The following MTO1 variants were observed in gnomAD, a reference collection of about 807,000 sequenced individuals.
MTO1 encodes 5-taurinomethyluridine-[tRNA] synthase subunit MTO1, mitochondrial.
In MTO1, 46 loss-of-function variants were observed where a neutral mutation model predicts 71.6. That is an observed-to-expected ratio of 0.64 (90% confidence interval 0.51 to 0.82). MTO1 has a LOEUF of 0.82. Ranked by LOEUF, MTO1 falls within the 40% of genes least tolerant of loss-of-function variation. MTO1 has a pLI of 0.00. For synonymous variants in MTO1, 297 were observed against 312.1 expected, an observed-to-expected ratio of 0.95 and a Z score of 0.51; for missense variants, 773 against 867.5, an observed-to-expected ratio of 0.89 and a Z score of 1.37.
chr6:73,493,354 A>G lies in MTO1; in HGVS notation c.1756+1002A>G, dbSNP rs867815571. On this transcript the variant is annotated intron_variant, in intron 10 of 11. Transcript: ENST00000498286. The stretch of plus-strand genomic sequence containing the variant: ...TACCACTTATTTGAAATGTGCATGT[A>G]TGTGTGTGTGTGTGTGTGTGTGTGT... 2.5e-3 allele frequency among the ~76,000 whole-genome samples: 355 copies of G among 139,454 alleles called. 3 individuals are homozygous for G. The highest frequency in any genetic ancestry group is 4.6e-3 in the African/African-American group (175 of 38,130). 91.5% of individuals were successfully genotyped at this position (139,454 alleles called of 152,430 possible).
Position 73,507,727 on chromosome 6 carries a change from C to T in MTO1, c.*6992C>T, listed in dbSNP as rs1050876555. 1 of 152,256 alleles carries T rather than the reference C, an allele frequency of 6.6e-6. No homozygotes were observed. Among genetic ancestry groups the T allele is most frequent in the Admixed American group, 6.6e-5 (1 of 15,264 alleles). The allele number at this position is 152,256 out of a possible 1,614,324, so 9.4% of individuals were successfully genotyped here. A position where few individuals can be genotyped will look rare whatever the true frequency, so the allele number is the denominator to read the frequency against. The stretch of plus-strand genomic sequence containing the variant: ...GTGCGGTGGCTCACGCCTGTAATCC[C>T]AACACTTTGGGAGGCCAAGGCGGGC... On this transcript the variant is annotated 3_prime_UTR_variant, in exon 12 of 12. Coordinates refer to ENST00000498286, the MANE Select transcript of MTO1 (RefSeq NM_012123.4).
chr6:73,500,360 T>C (rs1772122570), intron 11 of MTO1, among the ~76,000 whole-genome samples: 1 of 152,232 alleles, frequency 6.6e-6, no homozygotes. Flanking sequence ...ATTTTAACAT[T>C]TCTGTGCCTC....
Position 73,462,084 on chromosome 6 carries a change from G to A in MTO1, c.217+13G>A, listed in dbSNP as rs762513602. Reference sequence around the variant, plus strand: ...GTGGACACGATCGGTGAGGAGCGCGGGTGCTGTGGAACTTGGCGTAGGACG... The same window carrying A: ...GTGGACACGATCGGTGAGGAGCGCGAGTGCTGTGGAACTTGGCGTAGGACG... On this transcript the variant is annotated intron_variant, in intron 1 of 11. Transcript: ENST00000498286. 1.9e-5 allele frequency: 30 copies of A among 1,610,752 alleles called. 1 individual carries two copies. The highest frequency in any genetic ancestry group is 1.1e-4 in the East Asian group (5 of 44,840).
rs949713812 is a variant in MTO1 at position 73,483,400 on chromosome 6, C to A, written c.1637+780C>A. 2.6e-5 allele frequency among the ~76,000 whole-genome samples: 4 copies of A among 151,748 alleles called. No individual in the cohort carries two copies. The East Asian group carries it at 5.9e-4, about 22-fold the overall frequency. On this transcript the variant is annotated intron_variant, in intron 9 of 11. Transcript: ENST00000498286. ...CTCCAGCCTGGGTGAGAGTGAGACC[C>A]TGTCTCAAAGAAAAGAAAAAATCAC...
chr6:73,470,309 C>A (rs549454220), intron 3 of MTO1, among the ~76,000 whole-genome samples: 8 of 151,970 alleles, frequency 5.3e-5, no homozygotes, highest in Non-Finnish European at 1.0e-4. Context: ...CAGGTTCAAG[C>A]GATTCTCCTG....
intron 7 of MTO1, among the ~76,000 whole-genome samples, chr6:73,481,518 G>A (rs1771491877): frequency 6.6e-6 from 1 of 152,076 alleles, no homozygotes; most frequent in Admixed American, 6.6e-5. Context: ...TGTAATCCCA[G>A]CACTCTGGGA....
chr6:73,462,161 T>G, intron 1 of MTO1, 90 bp downstream of exon 1: 2 of 1,375,108 alleles, frequency 1.5e-6, no homozygotes, highest in Non-Finnish European at 2.0e-6. Flanking sequence ...ACCTCTTCCT[T>G]TCCTCAAAGC....
intron 7 of MTO1, chr6:73,481,048 C>T (rs1282739886): frequency 2.2e-6 from 1 of 451,354 alleles, no homozygotes; most frequent in South Asian, 1.9e-5. Flanking sequence ...GATCTCCCAG[C>T]TTCAAGCGAT....
At chr6:73,485,460 A>G (rs934329002) in intron 9 of MTO1, among the ~76,000 whole-genome samples, 1 of 146,002 alleles carries the variant, frequency 6.8e-6, no homozygotes, top group African/African-American at 2.6e-5. Context: ...TTTTTTTGAG[A>G]CGGAGTCTCA....
At chr6:73,483,061 G>A (rs946195466) in intron 9 of MTO1, among the ~76,000 whole-genome samples, 5 of 151,852 alleles carry the variant, frequency 3.3e-5, no homozygotes, top group Non-Finnish European at 4.4e-5. Flanking sequence ...CAAAGTGCTG[G>A]GATTACAGGC....
chr6:73,498,920 G>T (rs1772075813), intron 11 of MTO1, among the ~76,000 whole-genome samples: 1 of 151,840 alleles, frequency 6.6e-6, no homozygotes, highest in Non-Finnish European at 1.5e-5. Context: ...GCAGAGACGG[G>T]GTTTCACCAT....
intron 3 of MTO1, among the ~76,000 whole-genome samples, chr6:73,470,457 C>T (rs553103022): frequency 6.6e-6 from 1 of 152,098 alleles, no homozygotes; most frequent in Non-Finnish European, 1.5e-5. Flanking sequence ...CCGCCCACCT[C>T]GGCCTCCCAA....
Position 73,479,721 on chromosome 6 carries a change from C to T in MTO1, c.826-11C>T. 1 of 1,592,906 alleles carries T rather than the reference C, an allele frequency of 6.3e-7. No homozygotes were observed. The highest frequency in any genetic ancestry group is 8.6e-7 in the Non-Finnish European group (1 of 1,163,784). On this transcript the variant is annotated splice_polypyrimidine_tract_variant and intron_variant, in intron 4 of 11. Transcript: ENST00000498286. Reference sequence around the variant, plus strand: ...AGCAAATCAGTATTGCATCTGGTTACTGTTTTTTAGCCAGAAGATCAGCTG... The same window carrying T: ...AGCAAATCAGTATTGCATCTGGTTATTGTTTTTTAGCCAGAAGATCAGCTG...
chr6:73,507,783 CTGGCT>C lies in MTO1; in HGVS notation c.*7049_*7053del, dbSNP rs1395956027. On this transcript the variant is annotated 3_prime_UTR_variant, in exon 12 of 12. Transcript: ENST00000498286. ...ACGAGGTCAGGAAATAGAGACCATC[CTGGCT>C]AACATGGTGAAACCCCGTGTCTACT... The C allele has an allele frequency of 6.6e-6, 1 of 152,242 alleles. No homozygotes were observed. The highest frequency in any genetic ancestry group is 1.5e-5 in the Non-Finnish European group (1 of 68,098). The allele number at this position is 152,242 out of a possible 1,614,324, so 9.4% of individuals were successfully genotyped here.
At position 73,482,463 on chromosome 6, in the gene MTO1, G is replaced by A. The variant is rs139449947; in HGVS notation, c.1480G>A (p.Gly494Ser). The A allele has an allele frequency of 1.3e-4, 208 of 1,612,506 alleles. No individual in the cohort carries two copies. Among genetic ancestry groups the A allele is most frequent in the Non-Finnish European group, 1.6e-4 (192 of 1,179,652 alleles). The change falls in exon 9 of 12, where the codon GGC becomes AGC. Residue 494 changes from glycine (G) to serine (S), a missense_variant. Gly to Ser is a moderately conservative substitution (Grantham distance 56). Coordinates refer to ENST00000498286, the MANE Select transcript of MTO1 (RefSeq NM_012123.4). ...RLTLRGYKDA[G>S]CVSQQRYERA... ...CCCTTCCCTAGGGTATAAAGACGCT[G>A]GCTGTGTGTCCCAACAACGATATGA...
chr6:73,465,165 T>C (rs971053251), intron 1 of MTO1, among the ~76,000 whole-genome samples: 7 of 152,006 alleles, frequency 4.6e-5, no homozygotes, highest in African/African-American at 9.7e-5. Context: ...TTTTCTTTTT[T>C]CTTTTCTTTT....
chr6:73,467,323 T>A (rs1771027839), intron 3 of MTO1, among the ~76,000 whole-genome samples: 1 of 151,152 alleles, frequency 6.6e-6, no homozygotes, highest in African/African-American at 2.4e-5. Context: ...CAAAAAAAAA[T>A]AAAAAATAAG....
intron 9 of MTO1, among the ~76,000 whole-genome samples, chr6:73,483,303 G>A (rs1240874530): frequency 2.0e-5 from 3 of 151,892 alleles, no homozygotes; most frequent in Non-Finnish European, 2.9e-5. Flanking sequence ...CAGCTACTTG[G>A]GAGGTTGAGG....
At chr6:73,462,238 G>A in intron 1 of MTO1, 167 bp downstream of exon 1, 1 of 702,582 alleles carries the variant, frequency 1.4e-6, no homozygotes, top group Non-Finnish European at 2.4e-6. Context: ...GGCGGGCCAG[G>A]CCAGAACTCT....
Sources: gnomAD v4.1 joint callset for allele counts (sites outside exome capture counted in the v4.1 genomes callset) on GRCh38, gnomAD v4.1.1 for gene constraint, MANE v1.5 for transcripts, NCBI Gene and HGNC (gene_info 2026-07-23, HGNC 2026-07-21) for gene names.